The following CCDC91 variants were observed in gnomAD, a reference collection of about 807,000 sequenced individuals.
The protein encoded by CCDC91 is coiled-coil domain containing 91.
CCDC91 carries 48 observed loss-of-function variants against 63.2 expected under a neutral mutation model. The ratio of observed to expected loss-of-function variants is 0.76; its 90% CI spans 0.60 to 0.97. The LOEUF is 0.97. Ranked by LOEUF, CCDC91 falls within the 50% of genes least tolerant of loss-of-function variation. CCDC91 has a pLI of 0.00. For synonymous variants in CCDC91, 167 were observed against 165.8 expected (o/e 1.01, Z -0.06); for missense variants, 500 against 494.6 (o/e 1.01, Z -0.10).
chr12:28,510,341 A>T (rs964219328), intron 12 of CCDC91, among the ~76,000 whole-genome samples: 1 of 151,496 alleles, frequency 6.6e-6, no homozygotes, highest in African/African-American at 2.4e-5. Flanking sequence ...TAAGCTGGAA[A>T]CCCAGGAGAG....
At chr12:28,462,497 C>A (rs1950354101) in intron 11 of CCDC91, among the ~76,000 whole-genome samples, 1 of 151,900 alleles carries the variant, frequency 6.6e-6, no homozygotes, top group African/African-American at 2.4e-5. Context: ...TAAACTAAGA[C>A]AGTTGTAAGA....
intron 3 of CCDC91, among the ~76,000 whole-genome samples, chr12:28,280,559 A>G (rs1258829059): frequency 6.6e-6 from 1 of 152,152 alleles, no homozygotes; most frequent in Non-Finnish European, 1.5e-5. Flanking sequence ...TATGTCTATA[A>G]TGGTGATGGA....
At chr12:28,282,572 C>A (rs755903834) in intron 3 of CCDC91, among the ~76,000 whole-genome samples, 21 of 152,208 alleles carry the variant, frequency 1.4e-4, no homozygotes, top group Middle Eastern at 3.4e-3. Context: ...GATAAACATA[C>A]ACTTGCAGAT....
At chr12:28,417,795 A>G (rs879705082) in intron 8 of CCDC91, among the ~76,000 whole-genome samples, 2 of 152,094 alleles carry the variant, frequency 1.3e-5, no homozygotes, top group South Asian at 2.1e-4. Flanking sequence ...TGGATTAACT[A>G]TGGTCCCAAT....
chr12:28,238,553 C>T (rs978516720), intron 1 of CCDC91, among the ~76,000 whole-genome samples: 1 of 151,980 alleles, frequency 6.6e-6, no homozygotes, highest in Non-Finnish European at 1.5e-5. Context: ...ACCAGTTGAC[C>T]GTGCAGTCTT....
At chr12:28,344,623 T>C (rs961115767) in intron 6 of CCDC91, among the ~76,000 whole-genome samples, 14 of 152,200 alleles carry the variant, frequency 9.2e-5, no homozygotes, top group African/African-American at 3.1e-4. Context: ...TGAGGAAAAC[T>C]AATGTTTCCT....
chr12:28,469,465 C>T (rs1263405598), intron 11 of CCDC91, among the ~76,000 whole-genome samples: 1 of 151,934 alleles, frequency 6.6e-6, no homozygotes, highest in Non-Finnish European at 1.5e-5. Flanking sequence ...AGATATTCTG[C>T]ATCCATGGAT....
chr12:28,434,855 T>G (rs1371313290), intron 8 of CCDC91, among the ~76,000 whole-genome samples: 1 of 151,676 alleles, frequency 6.6e-6, no homozygotes, highest in Non-Finnish European at 1.5e-5. Context: ...TTTGTGAATT[T>G]TGGCAGATTT....
intron 8 of CCDC91, among the ~76,000 whole-genome samples, chr12:28,404,633 T>G (rs1190350153): frequency 6.6e-6 from 1 of 152,114 alleles, no homozygotes; most frequent in Non-Finnish European, 1.5e-5. Context: ...TATTTTTCCT[T>G]GCAGTTTTGT....
intron 12 of CCDC91, among the ~76,000 whole-genome samples, chr12:28,538,608 C>T (rs1942380453): frequency 6.6e-6 from 1 of 152,130 alleles, no homozygotes; most frequent in Admixed American, 6.5e-5. Context: ...TTATAATCGT[C>T]TGGGTATATA....
At chr12:28,498,769 A>G (rs1490978010) in intron 12 of CCDC91, among the ~76,000 whole-genome samples, 1 of 151,678 alleles carries the variant, frequency 6.6e-6, no homozygotes, top group African/African-American at 2.4e-5. Flanking sequence ...CATTCAGTGA[A>G]CAAATACCAT....
intron 8 of CCDC91, among the ~76,000 whole-genome samples, chr12:28,411,601 T>G (rs539220137): frequency 7.9e-4 from 120 of 152,336 alleles, no homozygotes; most frequent in Admixed American, 1.7e-3. Context: ...GTTTTTACTC[T>G]TTCCTTCCTG....
At chr12:28,536,581 T>C (rs2348418) in intron 12 of CCDC91, among the ~76,000 whole-genome samples, 60,765 of 152,016 alleles carry the variant, frequency 0.4, 12,535 homozygotes, top group Middle Eastern at 0.47. Flanking sequence ...TTAACCTTTC[T>C]GGGCCAGTTT....
At chr12:28,510,186 G>C (rs1939211054) in intron 12 of CCDC91, among the ~76,000 whole-genome samples, 1 of 149,086 alleles carries the variant, frequency 6.7e-6, no homozygotes, top group South Asian at 2.1e-4. Flanking sequence ...ATTAGACTTT[G>C]AAAAATAGTT....
intron 6 of CCDC91, among the ~76,000 whole-genome samples, chr12:28,327,972 C>T (rs1005518890): frequency 2.6e-5 from 4 of 151,920 alleles, no homozygotes; most frequent in African/African-American, 7.3e-5. Context: ...ATCTTGTAGG[C>T]GTTATGCTGG....
chr12:28,264,585 CTGTGTGTGTG>C (rs34854850), intron 3 of CCDC91, among the ~76,000 whole-genome samples: 20 of 137,316 alleles, frequency 1.5e-4, no homozygotes, highest in East Asian at 6.5e-4. Flanking sequence ...ATATGTCTGT[CTGTGTGTGTG>C]TGTGTGTGTG....
rs1189139155 is a variant in CCDC91, at chr12:28,451,238, G to A, written c.924+820G>A. ...GAAAGTAGAGGCAACAAAAGCTAGA[G>A]GCAGGGAAAGAATTCATAGAATGCA... is the stretch of plus-strand genomic sequence containing the variant. On this transcript the variant is annotated intron_variant, in intron 10 of 12. Transcript: ENST00000536442. Among the ~76,000 whole-genome samples, 9 of 151,634 alleles carry A rather than the reference G, an allele frequency of 5.9e-5. No individual in the cohort carries two copies. The South Asian group carries it at 6.2e-4, about 10-fold the overall frequency.
chr12:28,449,377 A>G (rs1429855493), intron 8 of CCDC91, among the ~76,000 whole-genome samples: 2 of 152,096 alleles, frequency 1.3e-5, no homozygotes, highest in Non-Finnish European at 2.9e-5. Flanking sequence ...AATGAAAAAT[A>G]TATGAGTAGC....
At chr12:28,377,599 A>G (rs935730417) in intron 7 of CCDC91, among the ~76,000 whole-genome samples, 1 of 151,910 alleles carries the variant, frequency 6.6e-6, no homozygotes, top group Non-Finnish European at 1.5e-5. Flanking sequence ...ACTTATTATT[A>G]CATTCATTTT....
Sources: gnomAD v4.1 joint callset for allele counts (sites outside exome capture counted in the v4.1 genomes callset) on GRCh38, gnomAD v4.1.1 for gene constraint, MANE v1.5 for transcripts, NCBI Gene and HGNC (gene_info 2026-07-23, HGNC 2026-07-21) for gene names.